Variants in NEGR1 observed in about 807,000 individuals in gnomAD.
NEGR1 encodes neuronal growth regulator 1.
In NEGR1, 10 loss-of-function variants were observed where a neutral mutation model predicts 40.9. That is an observed-to-expected ratio of 0.24 (90% CI 0.15 to 0.42). The LOEUF is 0.42. Among genes scored for constraint, NEGR1 ranks in the 10% least tolerant of loss-of-function variants. The probability of loss-of-function intolerance (pLI) is 1.00; values close to 1 mark genes in which losing one functional copy is unlikely to be tolerated. For missense variants in NEGR1, 352 were observed against 438.9 expected, an observed-to-expected ratio of 0.80 and a Z score of 1.77; for synonymous variants, 185 against 166.8, an observed-to-expected ratio of 1.11 and a Z score of -0.84.
At position 71,400,757 on chromosome 1, in the gene NEGR1, G is replaced by T. The variant is rs545894379; in HGVS notation, c.*6689C>A. On this transcript the variant is annotated 3_prime_UTR_variant, in exon 7 of 7. Coordinates refer to ENST00000357731, the MANE Select transcript of NEGR1 (RefSeq NM_173808.3). ...TTTAAAAATTTTACATCTCGTCTGG[G>T]AGCGGTGGCTCACGCCTGTAATCCC... 5.3e-5 allele frequency: 8 copies of T among 152,232 alleles called. No homozygotes were observed. The South Asian group carries it at 1.7e-3, about 32-fold the overall frequency. The allele number at this position is 152,232 out of a possible 1,614,324, so 9.4% of individuals were successfully genotyped here.
At chr1:71,877,840 G>GCTAC (rs1660475369) in intron 2 of NEGR1, among the ~76,000 whole-genome samples, 1 of 152,078 alleles carries the variant, frequency 6.6e-6, no homozygotes, top group African/African-American at 2.4e-5. Flanking sequence ...ATTTTGTTGA[G>GCTAC]CTACCCCAGT....
rs1432215717 is a variant in NEGR1 at position 71,496,012 on chromosome 1, C to CGAAAGGGAA, written c.941-88443_941-88442insTTCCCTTTC. On this transcript the variant is annotated intron_variant, in intron 6 of 6. Transcript: ENST00000357731. ...GGCTTCATACTTTGGGAATAGGTCT[C>CGAAAGGGAA]TGCCTTTCCCACATCTTACAATTTT... Among the ~76,000 whole-genome samples the CGAAAGGGAA allele has an allele frequency of 4.0e-4, 61 of 152,124 alleles. 1 individual carries two copies. The highest frequency in any genetic ancestry group is 1.5e-4 in the Non-Finnish European group (10 of 68,016).
intron 1 of NEGR1, among the ~76,000 whole-genome samples, chr1:72,150,059 T>C (rs72939393): frequency 0.048 from 7,241 of 152,134 alleles, 586 homozygotes; most frequent in African/African-American, 0.16. Context: ...CATATCACTA[T>C]TCCGAATCCC....
chr1:71,531,508 T>G (rs1647354819), intron 6 of NEGR1, among the ~76,000 whole-genome samples: 1 of 151,356 alleles, frequency 6.6e-6, no homozygotes. Flanking sequence ...AACCTGAGAT[T>G]ATATTAATCT....
At chr1:71,964,686 T>A (rs1646195970) in intron 1 of NEGR1, among the ~76,000 whole-genome samples, 1 of 152,206 alleles carries the variant, frequency 6.6e-6, no homozygotes. Flanking sequence ...AAATGGTTGC[T>A]ATTTTATAAC....
At chr1:71,851,849 T>A (rs959158499) in intron 2 of NEGR1, among the ~76,000 whole-genome samples, 1 of 152,196 alleles carries the variant, frequency 6.6e-6, no homozygotes, top group Non-Finnish European at 1.5e-5. Flanking sequence ...CTAAGTTTAC[T>A]AATTAATTAA....
chr1:71,481,734 T>C (rs958947971), intron 6 of NEGR1, among the ~76,000 whole-genome samples: 1 of 151,556 alleles, frequency 6.6e-6, no homozygotes, highest in South Asian at 2.1e-4. Flanking sequence ...TAGTCTTTCA[T>C]TTTATTTAAG....
chr1:71,757,177 T>A (rs1210112929), intron 3 of NEGR1, among the ~76,000 whole-genome samples: 4 of 152,126 alleles, frequency 2.6e-5, no homozygotes, highest in Non-Finnish European at 5.9e-5. Context: ...CATGAGATAT[T>A]TGTATTATGC....
chr1:71,888,509 C>T (rs1190188333), intron 2 of NEGR1, among the ~76,000 whole-genome samples: 4 of 151,350 alleles, frequency 2.6e-5, no homozygotes, highest in South Asian at 2.1e-4. Flanking sequence ...ATTTTCAGAC[C>T]GGCTTAAAAA....
intron 1 of NEGR1, among the ~76,000 whole-genome samples, chr1:72,009,748 C>T (rs1646640308): frequency 6.6e-6 from 1 of 152,096 alleles, no homozygotes; most frequent in Non-Finnish European, 1.5e-5. Flanking sequence ...TATTCAATAA[C>T]AGGAGCCACG....
In NEGR1 at chr1:71,786,569, C is replaced by G. The variant is rs76412877; in HGVS notation, c.410-10272G>C. Among the ~76,000 whole-genome samples, 1,359 of 152,240 alleles carry G rather than the reference C, an allele frequency of 8.9e-3. 27 individuals are homozygous for G. Among genetic ancestry groups the G allele is most frequent in the African/African-American group, 0.031 (1,300 of 41,530 alleles). On this transcript the variant is annotated intron_variant, in intron 2 of 6. Transcript: ENST00000357731. Reference sequence around the variant, plus strand: ...TTGAACATTTACTGTGAGTAATATACTGAGAGACTAATGACTTATTTGGAG... The same window carrying G: ...TTGAACATTTACTGTGAGTAATATAGTGAGAGACTAATGACTTATTTGGAG...
At chr1:71,535,912 A>G (rs1205018636) in intron 6 of NEGR1, among the ~76,000 whole-genome samples, 4 of 151,746 alleles carry the variant, frequency 2.6e-5, no homozygotes, top group Admixed American at 6.6e-5. Flanking sequence ...TAATTTGGAT[A>G]ACAGTTCCTA....
intron 1 of NEGR1, among the ~76,000 whole-genome samples, chr1:72,078,504 T>C (rs1647845949): frequency 6.6e-6 from 1 of 151,880 alleles, no homozygotes; most frequent in African/African-American, 2.4e-5. Flanking sequence ...TAGATATGTG[T>C]TTACAAATTC....
chr1:71,544,252 G>C (rs1647813508), intron 6 of NEGR1, among the ~76,000 whole-genome samples: 1 of 151,662 alleles, frequency 6.6e-6, no homozygotes, highest in African/African-American at 2.4e-5. Flanking sequence ...TATTAGTTTT[G>C]CATCAAAAGT....
chr1:71,548,135 G>T (rs1302808097), intron 6 of NEGR1, among the ~76,000 whole-genome samples: 1 of 151,578 alleles, frequency 6.6e-6, no homozygotes, highest in Non-Finnish European at 1.5e-5. Context: ...GAACCACCTT[G>T]GTAAGCCACC....
intron 1 of NEGR1, among the ~76,000 whole-genome samples, chr1:72,107,269 A>C (rs1569975191): frequency 6.6e-6 from 1 of 151,734 alleles, no homozygotes; most frequent in East Asian, 1.9e-4. Flanking sequence ...GTTCTAATAC[A>C]CAAACTTCAT....
At chr1:72,280,594 GT>G (rs752884095) in intron 1 of NEGR1, among the ~76,000 whole-genome samples, 24 of 151,202 alleles carry the variant, frequency 1.6e-4, no homozygotes, top group African/African-American at 5.1e-4. Context: ...ACAATGAAAA[GT>G]TTTTTTTTAC....
At chr1:71,437,418 G>A (rs1646517015) in intron 6 of NEGR1, among the ~76,000 whole-genome samples, 1 of 152,016 alleles carries the variant, frequency 6.6e-6, no homozygotes, top group African/African-American at 2.4e-5. Flanking sequence ...TGTATCACAT[G>A]TAAATGATAA....
At chr1:71,913,236 C>A (rs937768380) in intron 2 of NEGR1, among the ~76,000 whole-genome samples, 2 of 152,132 alleles carry the variant, frequency 1.3e-5, no homozygotes, top group Non-Finnish European at 2.9e-5. Context: ...CTGCCTCAGC[C>A]TCCAAGTAGC....
Sources: allele counts gnomAD v4.1 joint callset (sites outside exome capture counted in the v4.1 genomes callset), GRCh38; gene constraint gnomAD v4.1.1; transcripts MANE v1.5; gene names NCBI Gene and HGNC (gene_info 2026-07-23, HGNC 2026-07-21).